The following DAB1 variants were observed in gnomAD, a reference collection of about 807,000 sequenced individuals.
DAB1 encodes DAB adaptor protein 1, also known as disabled homolog 1.
DAB1 carries 15 observed loss-of-function variants against 64.6 expected under a neutral mutation model. The observed-to-expected ratio is 0.23, with a 90% CI of 0.16 to 0.36. The LOEUF is 0.36. Among genes scored for constraint, DAB1 ranks in the 10% least tolerant of loss-of-function variants. The pLI is 1.00. For missense variants in DAB1, 596 were observed against 706.7 expected (o/e 0.84, Z 1.78); for synonymous variants, 235 against 251.9 (o/e 0.93, Z 0.64).
At chr1:58,309,292 C>T (rs1166011694) in intron 4 of DAB1, among the ~76,000 whole-genome samples, 1 of 152,162 alleles carries the variant, frequency 6.6e-6, no homozygotes, top group Admixed American at 6.5e-5. Flanking sequence ...TACAACATCA[C>T]TTTCGGAGCC....
intron 6 of DAB1, among the ~76,000 whole-genome samples, chr1:57,709,504 A>G (rs1047875963): frequency 2.6e-5 from 4 of 152,096 alleles, no homozygotes; most frequent in Non-Finnish European, 4.4e-5. Flanking sequence ...CTGGGGTAAT[A>G]ACCGAGGCTC....
chr1:57,021,240 G>C (rs990313807), intron 11 of DAB1, among the ~76,000 whole-genome samples: 1 of 152,202 alleles, frequency 6.6e-6, no homozygotes, highest in African/African-American at 2.4e-5. Flanking sequence ...ATATGTGGAA[G>C]TGGCTTGTCC....
intron 4 of DAB1, among the ~76,000 whole-genome samples, chr1:58,274,859 T>C (rs1661400738): frequency 6.6e-6 from 1 of 152,060 alleles, no homozygotes; most frequent in African/African-American, 2.4e-5. Context: ...TCGCCCTGCT[T>C]CGGCTCGCGC....
At chr1:58,012,643 G>A (rs896523626) in intron 5 of DAB1, among the ~76,000 whole-genome samples, 4 of 152,166 alleles carry the variant, frequency 2.6e-5, no homozygotes, top group Non-Finnish European at 5.9e-5. Context: ...TGTAAGAACA[G>A]ACACAAGAGG....
chr1:57,917,878 T>C (rs1451407294), intron 5 of DAB1, among the ~76,000 whole-genome samples: 1 of 152,094 alleles, frequency 6.6e-6, no homozygotes, highest in East Asian at 1.9e-4. Flanking sequence ...CTACCTCTTG[T>C]CCTGTAATAA....
intron 6 of DAB1, among the ~76,000 whole-genome samples, chr1:57,681,589 A>G (rs977078773): frequency 6.6e-6 from 1 of 152,202 alleles, no homozygotes; most frequent in African/African-American, 2.4e-5. Flanking sequence ...TTGGTACCAA[A>G]TGGGAGAAGT....
At chr1:57,718,185 T>C (rs1647107604) in intron 6 of DAB1, among the ~76,000 whole-genome samples, 1 of 152,182 alleles carries the variant, frequency 6.6e-6, no homozygotes, top group African/African-American at 2.4e-5. Flanking sequence ...AAATGATAAA[T>C]ATTTAAGGTG....
At chr1:57,795,060 T>C (rs1046365186) in intron 6 of DAB1, among the ~76,000 whole-genome samples, 9 of 152,246 alleles carry the variant, frequency 5.9e-5, no homozygotes, top group Admixed American at 1.3e-4. Context: ...ACCCATGTCA[T>C]AGCCCGAACT....
chr1:58,513,281 C>T (rs2100432564), intron 2 of DAB1, among the ~76,000 whole-genome samples: 1 of 152,274 alleles, frequency 6.6e-6, no homozygotes, highest in South Asian at 2.1e-4. Flanking sequence ...CCCCTTCCAC[C>T]ATGATTATAA....
intron 5 of DAB1, among the ~76,000 whole-genome samples, chr1:57,986,086 A>G (rs1163674982): frequency 1.3e-5 from 2 of 152,206 alleles, no homozygotes; most frequent in East Asian, 1.9e-4. Flanking sequence ...CACAGAGGCC[A>G]GTATAGGACA....
intron 2 of DAB1, among the ~76,000 whole-genome samples, chr1:57,256,605 C>G (rs61765657): frequency 6.6e-6 from 1 of 152,038 alleles, no homozygotes; most frequent in African/African-American, 2.4e-5. Context: ...TGACACTCAA[C>G]TTTCTAGACA....
In DAB1 at chr1:58,041,427, T is replaced by G. The variant is rs184688220; in HGVS notation, n.387+109084A>C. 2.0e-5 allele frequency among the ~76,000 whole-genome samples: 3 copies of G among 152,310 alleles called. No homozygotes were observed. The East Asian group carries it at 5.8e-4, about 29-fold the overall frequency. ...GTGGGCTGTCTCATAAGAGCCAGGC[T>G]TATACAGCGTGTATTGTGTTTCAGG... On this transcript the variant is annotated intron_variant and non_coding_transcript_variant, in intron 5 of 20. Coordinates refer to the DAB1 transcript ENST00000485760.
chr1:57,391,042 T>A (rs1682309201), intron 1 of DAB1, among the ~76,000 whole-genome samples: 1 of 152,192 alleles, frequency 6.6e-6, no homozygotes, highest in Non-Finnish European at 1.5e-5. Flanking sequence ...AATAGAAGCT[T>A]AATTAATACC....
intron 1 of DAB1, among the ~76,000 whole-genome samples, chr1:57,390,135 A>G (rs1682221388): frequency 6.6e-6 from 1 of 152,242 alleles, no homozygotes; most frequent in Non-Finnish European, 1.5e-5. Context: ...TCACAGACTT[A>G]TTACAGACAA....
intron 4 of DAB1, among the ~76,000 whole-genome samples, chr1:58,280,419 G>A (rs934665624): frequency 2.0e-5 from 3 of 152,154 alleles, no homozygotes; most frequent in African/African-American, 4.8e-5. Flanking sequence ...TCAGCCACCC[G>A]AGACCTTGGG....
intron 5 of DAB1, among the ~76,000 whole-genome samples, chr1:57,963,134 G>A (rs914697974): frequency 1.3e-5 from 2 of 152,140 alleles, no homozygotes; most frequent in East Asian, 1.9e-4. Flanking sequence ...TACTGTGCTA[G>A]GTGCTGGATA....
At chr1:57,480,526 C>G (rs1470399902) in intron 7 of DAB1, among the ~76,000 whole-genome samples, 1 of 151,648 alleles carries the variant, frequency 6.6e-6, no homozygotes, top group Non-Finnish European at 1.5e-5. Flanking sequence ...GCTCTGTCAC[C>G]CAGGCTGGAG....
intron 5 of DAB1, among the ~76,000 whole-genome samples, chr1:58,127,779 G>T (rs199535547): frequency 0.2 from 30,148 of 150,974 alleles, 3,198 homozygotes; most frequent in East Asian, 0.36. Flanking sequence ...TAGATATGCG[G>T]TGTTATTTCT....
At chr1:57,536,648 C>T (rs371045889) in intron 7 of DAB1, among the ~76,000 whole-genome samples, 4 of 150,946 alleles carry the variant, frequency 2.6e-5, no homozygotes, top group Admixed American at 6.6e-5. Context: ...GAAGTCCTTC[C>T]TACTTACTCT....
Sources: allele counts gnomAD v4.1 joint callset (sites outside exome capture counted in the v4.1 genomes callset), GRCh38; gene constraint gnomAD v4.1.1; transcripts MANE v1.5; gene names NCBI Gene and HGNC (gene_info 2026-07-23, HGNC 2026-07-21).